NPAS3: variants seen among roughly 807,000 people sequenced by gnomAD.
NPAS3 encodes the protein neuronal PAS domain-containing protein 3.
A neutral mutation model predicts 73.1 loss-of-function variants in NPAS3; 14 were observed. The ratio of observed to expected loss-of-function variants is 0.19; its 90% confidence interval spans 0.13 to 0.30. The LOEUF (loss-of-function observed/expected upper bound fraction) is 0.30. NPAS3 is among the 10% of genes least tolerant of loss of function. The pLI is 1.00. For synonymous variants in NPAS3, 620 were observed against 541.5 expected, an observed-to-expected ratio of 1.14 and a Z score of -2.01; for missense variants, 1,096 against 1,250.0, an observed-to-expected ratio of 0.88 and a Z score of 1.86.
At chr14:33,752,316 G>A (rs1161898615) in intron 7 of NPAS3, among the ~76,000 whole-genome samples, 6 of 151,848 alleles carry the variant, frequency 4.0e-5, no homozygotes, top group Admixed American at 6.6e-5. Context: ...TCAAATGCAC[G>A]TACTTCTGTC....
chr14:33,213,264 C>G (rs2047105039), intron 2 of NPAS3, among the ~76,000 whole-genome samples: 1 of 152,084 alleles, frequency 6.6e-6, no homozygotes, highest in Non-Finnish European at 1.5e-5. Context: ...GTTTAGCCCA[C>G]CTTCTGGAGT....
chr14:32,973,619 T>G (rs1276341236), intron 1 of NPAS3, among the ~76,000 whole-genome samples: 3 of 148,190 alleles, frequency 2.0e-5, no homozygotes, highest in Non-Finnish European at 4.5e-5. Flanking sequence ...CACTGCAACC[T>G]CCCCTTCCCG....
At chr14:33,536,445 C>G (rs1471909667) in intron 4 of NPAS3, among the ~76,000 whole-genome samples, 1 of 151,796 alleles carries the variant, frequency 6.6e-6, no homozygotes, top group Non-Finnish European at 1.5e-5. Flanking sequence ...GTATTTTTTC[C>G]CAATGAAATG....
chr14:33,603,679 A>C (rs1412391501), intron 5 of NPAS3, among the ~76,000 whole-genome samples: 1 of 152,206 alleles, frequency 6.6e-6, no homozygotes, highest in Admixed American at 6.5e-5. Context: ...AAACATTCTT[A>C]ACCTAGAATT....
In NPAS3 at chr14:33,339,376, G is replaced by A. The variant is rs535417719; in HGVS notation, c.386-27810G>A. ...GCAGTGGGCAAAGCACAGTACAGCA[G>A]CATCAGCTTACAGTGTTTAGCAGTA... On this transcript the variant is annotated intron_variant, in intron 3 of 11. Transcript: ENST00000356141. 5.9e-5 allele frequency among the ~76,000 whole-genome samples: 9 copies of A among 152,246 alleles called. No individual in the cohort carries two copies. In the East Asian group the frequency reaches 1.4e-3, roughly 23 times the overall value.
chr14:33,510,399 A>G (rs901129094), intron 4 of NPAS3, among the ~76,000 whole-genome samples: 5 of 152,056 alleles, frequency 3.3e-5, no homozygotes, highest in Non-Finnish European at 5.9e-5. Flanking sequence ...TTCAGTAGCC[A>G]AAAGTTCCCT....
At chr14:33,078,546 C>A (rs74041780) in intron 2 of NPAS3, among the ~76,000 whole-genome samples, 49 of 76,982 alleles carry the variant, frequency 6.4e-4, no homozygotes, top group South Asian at 1.0e-3. Flanking sequence ...AAAAAAAAAA[C>A]AAACAAAAAA....
At chr14:33,023,039 G>T (rs2039666780) in intron 1 of NPAS3, among the ~76,000 whole-genome samples, 1 of 151,788 alleles carries the variant, frequency 6.6e-6, no homozygotes, top group African/African-American at 2.4e-5. Flanking sequence ...TGCCCTCAAA[G>T]ACATCTGTAC....
chr14:33,589,731 G>A (rs1671278120), intron 5 of NPAS3, among the ~76,000 whole-genome samples: 2 of 152,028 alleles, frequency 1.3e-5, no homozygotes, highest in African/African-American at 4.8e-5. Flanking sequence ...TTGACTTCTT[G>A]ACCATGGTGT....
At chr14:33,076,326 TCCCATA>T (rs2041657342) in intron 2 of NPAS3, among the ~76,000 whole-genome samples, 1 of 152,186 alleles carries the variant, frequency 6.6e-6, no homozygotes, top group African/African-American at 2.4e-5. Flanking sequence ...CATTTTATTT[TCCCATA>T]GATACCATGT....
chr14:33,244,423 T>C (rs2048311397), intron 3 of NPAS3, among the ~76,000 whole-genome samples: 1 of 152,142 alleles, frequency 6.6e-6, no homozygotes, highest in South Asian at 2.1e-4. Context: ...ATGATGCTTC[T>C]AGGAATAAAG....
intron 3 of NPAS3, among the ~76,000 whole-genome samples, chr14:33,309,993 T>C (rs1220592214): frequency 1.3e-5 from 2 of 152,160 alleles, no homozygotes; most frequent in Admixed American, 1.3e-4. Context: ...CTTCATACCG[T>C]TGGTATGATC....
intron 4 of NPAS3, among the ~76,000 whole-genome samples, chr14:33,554,618 C>T (rs544361946): frequency 6.6e-6 from 1 of 152,248 alleles, no homozygotes; most frequent in Non-Finnish European, 1.5e-5. Flanking sequence ...GGAGTTAAGT[C>T]ACAGGAAAAG....
intron 2 of NPAS3, among the ~76,000 whole-genome samples, chr14:33,107,459 C>T (rs1479656534): frequency 6.6e-6 from 1 of 152,012 alleles, no homozygotes; most frequent in Non-Finnish European, 1.5e-5. Flanking sequence ...TCTTTATGTC[C>T]ACGTATACCC....
chr14:33,202,726 T>G (rs933859699), intron 2 of NPAS3, among the ~76,000 whole-genome samples: 4 of 146,584 alleles, frequency 2.7e-5, no homozygotes. Context: ...TTTTGAAAAA[T>G]AAACCCACCC....
intron 4 of NPAS3, among the ~76,000 whole-genome samples, chr14:33,514,685 C>G (rs960904573): frequency 6.6e-6 from 1 of 152,036 alleles, no homozygotes; most frequent in Non-Finnish European, 1.5e-5. Context: ...ACTAAAAGAT[C>G]GTACTGTACC....
At chr14:33,145,292 A>G (rs1352889810) in intron 2 of NPAS3, among the ~76,000 whole-genome samples, 3 of 152,166 alleles carry the variant, frequency 2.0e-5, no homozygotes, top group Non-Finnish European at 4.4e-5. Context: ...CCAACAGGAT[A>G]TTTGTTAAGT....
At chr14:33,643,385 A>AC (rs1358861172) in intron 5 of NPAS3, among the ~76,000 whole-genome samples, 3 of 146,598 alleles carry the variant, frequency 2.0e-5, no homozygotes, top group Non-Finnish European at 4.5e-5. Context: ...TAAAAAAAAA[A>AC]AAAAAAAAAA....
intron 4 of NPAS3, among the ~76,000 whole-genome samples, chr14:33,522,177 C>G (rs1489224373): frequency 6.6e-6 from 1 of 152,124 alleles, no homozygotes; most frequent in Admixed American, 6.6e-5. Flanking sequence ...AACGTATAGG[C>G]AGACAAAATT....
Sources: allele counts gnomAD v4.1 joint callset (sites outside exome capture counted in the v4.1 genomes callset), GRCh38; gene constraint gnomAD v4.1.1; transcripts MANE v1.5; gene names NCBI Gene and HGNC (gene_info 2026-07-23, HGNC 2026-07-21).